The following LOC128125817 variants were observed in gnomAD, a reference collection of about 807,000 sequenced individuals.
the LOC128125817 span, among the ~76,000 whole-genome samples, chr1:41,615,510 G>A: frequency 2.6e-5 from 4 of 152,226 alleles, no homozygotes; most frequent in African/African-American, 7.2e-5. Flanking sequence ...AGGGATTCGC[G>A]CAAGACCACA....
At chr1:41,618,032 C>T in the LOC128125817 span, among the ~76,000 whole-genome samples, 7 of 152,190 alleles carry the variant, frequency 4.6e-5, no homozygotes, top group Non-Finnish European at 1.5e-5. Context: ...CTGCTGGTTC[C>T]TAGGAACCAT....
the LOC128125817 span, among the ~76,000 whole-genome samples, chr1:41,608,833 A>G: frequency 1.3e-5 from 2 of 151,436 alleles, no homozygotes; most frequent in Non-Finnish European, 1.5e-5. Context: ...GCACTTTGGG[A>G]GGCCAAGGCG....
the LOC128125817 span, among the ~76,000 whole-genome samples, chr1:41,626,618 G>C: frequency 2.6e-5 from 4 of 152,180 alleles, no homozygotes; most frequent in Non-Finnish European, 5.9e-5. Context: ...ACTAGTTCAA[G>C]TATCTGTTGT....
At chr1:41,614,838 G>T in the LOC128125817 span, among the ~76,000 whole-genome samples, 1 of 152,170 alleles carries the variant, frequency 6.6e-6, no homozygotes, top group East Asian at 1.9e-4. Flanking sequence ...TGATACGCTG[G>T]CCAGTTCCTC....
chr1:41,602,759 T>C, the LOC128125817 span, among the ~76,000 whole-genome samples: 1 of 152,080 alleles, frequency 6.6e-6, no homozygotes, highest in Non-Finnish European at 1.5e-5. Flanking sequence ...TTTCCTTCTG[T>C]TAACCTTGGC....
the LOC128125817 span, among the ~76,000 whole-genome samples, chr1:41,614,211 A>G: frequency 2.6e-5 from 4 of 152,210 alleles, no homozygotes; most frequent in African/African-American, 9.6e-5. Flanking sequence ...ATGGGACGGC[A>G]CTCAATATTC....
the LOC128125817 span, among the ~76,000 whole-genome samples, chr1:41,610,990 C>T: frequency 6.6e-6 from 1 of 152,182 alleles, no homozygotes; most frequent in Admixed American, 6.5e-5. Context: ...TAAGCTCTTG[C>T]AGTTCATACA....
the LOC128125817 span, among the ~76,000 whole-genome samples, chr1:41,608,210 G>A: frequency 6.6e-6 from 1 of 152,218 alleles, no homozygotes; most frequent in African/African-American, 2.4e-5. Flanking sequence ...CCTGCAGGAG[G>A]GTGAAGCAGT....
At chr1:41,603,001 T>G in the LOC128125817 span, among the ~76,000 whole-genome samples, 2 of 152,136 alleles carry the variant, frequency 1.3e-5, no homozygotes, top group African/African-American at 4.8e-5. Flanking sequence ...GTCATTTAAT[T>G]TCCACATATT....
the LOC128125817 span, among the ~76,000 whole-genome samples, chr1:41,593,622 G>A: frequency 2.6e-5 from 4 of 152,196 alleles, no homozygotes; most frequent in Non-Finnish European, 5.9e-5. Context: ...TTACACTTCC[G>A]CCAATGGCGG....
the LOC128125817 span, among the ~76,000 whole-genome samples, chr1:41,623,342 C>T: frequency 6.6e-6 from 1 of 152,218 alleles, no homozygotes; most frequent in Non-Finnish European, 1.5e-5. Context: ...TGTTTCTCCC[C>T]ACACAGTGGC....
At chr1:41,597,992 G>A in the LOC128125817 span, among the ~76,000 whole-genome samples, 62 of 152,260 alleles carry the variant, frequency 4.1e-4, no homozygotes, top group Non-Finnish European at 7.1e-4. Context: ...ATTTATATCC[G>A]ATTTTTCCCA....
the LOC128125817 span, chr1:41,628,708 G>T: frequency 1.7e-6 from 2 of 1,211,540 alleles, no homozygotes; most frequent in Non-Finnish European, 2.1e-6. Context: ...GACCAACATG[G>T]CGCCTGGCAA....
chr1:41,628,706 T>A, the LOC128125817 span: 1 of 1,209,088 alleles, frequency 8.3e-7, no homozygotes, highest in East Asian at 3.2e-5. Flanking sequence ...CAGACCAACA[T>A]GGCGCCTGGC....
At chr1:41,594,989 C>G in the LOC128125817 span, among the ~76,000 whole-genome samples, 1 of 152,082 alleles carries the variant, frequency 6.6e-6, no homozygotes, top group Non-Finnish European at 1.5e-5. Flanking sequence ...TTGAATAGTC[C>G]ACCTCCCCAC....
chr1:41,597,877 T>C, the LOC128125817 span, among the ~76,000 whole-genome samples: 1 of 152,230 alleles, frequency 6.6e-6, no homozygotes. Flanking sequence ...TTACCTCACC[T>C]ACACACATCT....
chr1:41,612,821 T>C, the LOC128125817 span, among the ~76,000 whole-genome samples: 1 of 152,150 alleles, frequency 6.6e-6, no homozygotes, highest in South Asian at 2.1e-4. Context: ...CCAGCCCCTG[T>C]CCCCTCCCTT....
the LOC128125817 span, among the ~76,000 whole-genome samples, chr1:41,593,119 C>G: frequency 6.6e-6 from 1 of 152,172 alleles, no homozygotes; most frequent in Admixed American, 6.5e-5. Flanking sequence ...TGCTGGGGAA[C>G]TTTCTCCTTC....
the LOC128125817 span, among the ~76,000 whole-genome samples, chr1:41,607,721 T>C: frequency 6.6e-6 from 1 of 152,208 alleles, no homozygotes; most frequent in Admixed American, 6.5e-5. Context: ...AGGATATGTA[T>C]TAGGATACAG....
Sources: allele counts gnomAD v4.1 joint callset (sites outside exome capture counted in the v4.1 genomes callset), GRCh38; gene constraint gnomAD v4.1.1; transcripts MANE v1.5.